IRF4: variants seen among roughly 807,000 people sequenced by gnomAD.
The protein encoded by IRF4 is lymphocyte-specific interferon regulatory factor.
Under a neutral mutation model 55.5 loss-of-function variants are expected in IRF4, and 13 were observed. The ratio of observed to expected loss-of-function variants is 0.23; its 90% CI spans 0.15 to 0.37. The LOEUF is 0.37. Ranked by LOEUF, IRF4 falls within the 10% of genes least tolerant of loss-of-function variation. The pLI is 1.00. For missense variants in IRF4, 397 were observed against 593.8 expected (o/e 0.67, Z 3.44); for synonymous variants, 249 against 240.7 (o/e 1.03, Z -0.32).
At chr6:398,342 C>T (rs1271268084) in intron 5 of IRF4, among the ~76,000 whole-genome samples, 1 of 152,220 alleles carries the variant, frequency 6.6e-6, no homozygotes. Flanking sequence ...ATTCTTTTTC[C>T]ATTCATGTTT....
intron 7 of IRF4, among the ~76,000 whole-genome samples, chr6:402,789 T>C (rs974974722): frequency 6.6e-6 from 1 of 152,174 alleles, no homozygotes; most frequent in Admixed American, 6.5e-5. Context: ...CCCAGCACTT[T>C]AGGAGGCTGA....
In IRF4 at chr6:408,118, CAG is replaced by C. The variant is rs549837113; in HGVS notation, c.*524_*525del. 8.3e-6 allele frequency: 2 copies of C among 240,714 alleles called. No homozygotes were observed. The highest frequency in any genetic ancestry group is 1.7e-4 in the South Asian group (1 of 5,994). The allele number at this position is 240,714 out of a possible 1,614,324, so 14.9% of individuals were successfully genotyped here. A position where few individuals can be genotyped will look rare whatever the true frequency, so the allele number is the denominator to read the frequency against. On this transcript the variant is annotated 3_prime_UTR_variant, in exon 9 of 9. Coordinates refer to ENST00000380956, the MANE Select transcript of IRF4 (RefSeq NM_002460.4). Reference sequence around the variant, plus strand: ...TTGTAGATTAGGTCTTGCTGGAAGACAGAGAAAACTTGCCTTTCAGTATTGAC... The same window carrying C: ...TTGTAGATTAGGTCTTGCTGGAAGACAGAAAACTTGCCTTTCAGTATTGAC...
intron 6 of IRF4, among the ~76,000 whole-genome samples, chr6:400,366 T>C (rs9405643): frequency 0.042 from 6,377 of 152,270 alleles, 295 homozygotes; most frequent in East Asian, 0.23. Flanking sequence ...AAACCCAGCT[T>C]GGTTCTTTCA....
intron 8 of IRF4, chr6:406,797 A>G: frequency 3.3e-6 from 4 of 1,222,050 alleles, no homozygotes; most frequent in Non-Finnish European, 4.2e-6. Context: ...GTCGTCATAT[A>G]TAAAATACAG....
intron 7 of IRF4, among the ~76,000 whole-genome samples, chr6:404,248 A>G (rs917281549): frequency 5.3e-5 from 8 of 152,220 alleles, no homozygotes; most frequent in Admixed American, 2.0e-4. Flanking sequence ...GGCTAAAGTC[A>G]GGGGATGGGC....
intron 6 of IRF4, 89 bp from the exon 7 acceptor site, chr6:401,335 C>G: frequency 1.0e-6 from 1 of 973,358 alleles, no homozygotes; most frequent in Admixed American, 2.2e-5. Flanking sequence ...CACTAGAGTT[C>G]CACCACAGGT....
In IRF4 at chr6:393,447, G is replaced by C; in HGVS notation, c.216+79G>C. On this transcript the variant is annotated intron_variant, in intron 2 of 8. Coordinates refer to ENST00000380956, the MANE Select transcript of IRF4 (RefSeq NM_002460.4). This position sits in a 1 kb window ranked among gnomAD's most constrained non-coding sequence, Gnocchi z 5.4. ...GCCCGGGGTCCCCGGCGCCGCCTCC[G>C]AGGCGAGCCCAGGGGACCGCGCGGG... 8.9e-7 allele frequency: 1 copy of C among 1,126,780 alleles called. No individual in the cohort carries two copies. The highest frequency in any genetic ancestry group is 1.2e-6 in the Non-Finnish European group (1 of 844,202). The allele number at this position is 1,126,780 out of a possible 1,614,324, so 69.8% of individuals were successfully genotyped here. A position where few individuals can be genotyped will look rare whatever the true frequency, so the allele number is the denominator to read the frequency against.
rs1414661309 is a variant in IRF4 at position 408,009 on chromosome 6, TC to T, written c.*412del. On this transcript the variant is annotated 3_prime_UTR_variant, in exon 9 of 9. Transcript: ENST00000380956. ...AAGGGTGGCTTTGCATTTCTTGTGT[TC>T]TGTAGACTGCCATCATTGATGATCA... 2 of 291,890 alleles carry T rather than the reference TC, an allele frequency of 6.9e-6. No homozygotes were observed. The highest frequency in any genetic ancestry group is 1.3e-5 in the Non-Finnish European group (2 of 156,062). 18.1% of individuals were successfully genotyped at this position (291,890 alleles called of 1,614,324 possible). A position where few individuals can be genotyped will look rare whatever the true frequency, so the allele number is the denominator to read the frequency against.
chr6:395,847 G>C lies in IRF4; in HGVS notation c.404G>C (p.Gly135Ala). 4 of 1,612,744 alleles carry C rather than the reference G, an allele frequency of 2.5e-6. No individual in the cohort carries two copies. Among genetic ancestry groups the C allele is most frequent in the Non-Finnish European group, 3.4e-6 (4 of 1,179,180 alleles). Residue 135 changes from glycine to alanine, a missense_variant and splice_region_variant, in exon 4 of 9, where the codon GGA becomes GCA. Gly to Ala is a moderately conservative substitution (Grantham distance 60, BLOSUM62 0). This residue lies in a region of IRF4 where 341 missense variants were observed against 548.1 expected (regional missense o/e 0.62). Coordinates refer to ENST00000380956, the MANE Select transcript of IRF4 (RefSeq NM_002460.4). ...ATTTCCCTTTTCCCCAAACATGTAG[G>C]AGCCAAGCAGCTCACCCTGGAGGAC... ...YRIVPEGAKK[G>A]AKQLTLEDPQ...
chr6:391,937 GC>G (rs1561708421), intron 1 of IRF4, 128 bp downstream of exon 1: 1 of 439,380 alleles, frequency 2.3e-6, no homozygotes, highest in Non-Finnish European at 4.6e-6. Context: ...AAGGGAGCGC[GC>G]CCCGTCCTGG....
chr6:397,179 G>A lies in IRF4; in HGVS notation c.564G>A (p.Pro188=), dbSNP rs773506336. 1.7e-5 allele frequency: 28 copies of A among 1,614,272 alleles called. No homozygotes were observed. Among genetic ancestry groups the A allele is most frequent in the South Asian group, 9.9e-5 (9 of 91,092 alleles). Residue 188 remains proline (P), a synonymous_variant, in exon 5 of 9, where the codon CCG becomes CCA. Coordinates refer to ENST00000380956, the MANE Select transcript of IRF4 (RefSeq NM_002460.4). ...ACTACGTCCCGGATCAGCCACACCC[G>A]GAAATCCCGTACCAATGTCCCATGA... ...WRDYVPDQPH[P]EIPYQCPMTF... is the part of the protein sequence containing the mutation.
intron 5 of IRF4, 103 bp from the exon 6 acceptor site, chr6:398,725 G>A (rs532733760): frequency 2.2e-4 from 163 of 729,716 alleles, no homozygotes; most frequent in African/African-American, 2.1e-3. Flanking sequence ...GTGATTGGGC[G>A]CCAGCCCCTT....
rs1761397031 is a variant in IRF4 at position 401,427 on chromosome 6, G to A, written c.749G>A (p.Cys250Tyr). 6.2e-7 allele frequency: 1 copy of A among 1,610,568 alleles called. No individual in the cohort carries two copies. Among genetic ancestry groups the A allele is most frequent in the Non-Finnish European group, 8.5e-7 (1 of 1,178,914 alleles). The change falls in exon 7 of 9, where the codon TGC becomes TAC. Residue 250 changes from cysteine to tyrosine, a missense_variant. Transcript: ENST00000380956. ...CTCCGGAGCTCTGTGTTTGCAGACT[G>A]CCGGCTGCACATCTGCCTGTACTAC... ...RSAEALAFSDCRLHICLYYRE... is the reference protein window; with the variant it reads ...RSAEALAFSDYRLHICLYYRE...
intron 7 of IRF4, among the ~76,000 whole-genome samples, chr6:402,793 A>AGGCTGAG (rs1761439058): frequency 6.6e-6 from 1 of 152,178 alleles, no homozygotes; most frequent in Admixed American, 6.5e-5. Flanking sequence ...GCACTTTAGG[A>AGGCTGAG]GGCTGAGGTG....
intron 3 of IRF4, 113 bp downstream of exon 3, chr6:395,120 C>T: frequency 1.2e-6 from 1 of 806,274 alleles, no homozygotes. Flanking sequence ...GCCTGCCTGC[C>T]TGCCTTCTGC....
Position 409,969 on chromosome 6 carries a change from C to A in IRF4, c.*2371C>A. The A allele has an allele frequency of 4.4e-6, 1 of 229,454 alleles. No homozygotes were observed. Among genetic ancestry groups the A allele is most frequent in the Non-Finnish European group, 8.7e-6 (1 of 115,604 alleles). The allele number at this position is 229,454 out of a possible 1,614,324, so 14.2% of individuals were successfully genotyped here. ...TTGGCTGGGGCCACTACCTCCTTTCCTATCTTTACATCTATGTGTATGTTG... is the reference window on the plus strand; with the variant it reads ...TTGGCTGGGGCCACTACCTCCTTTCATATCTTTACATCTATGTGTATGTTG... On this transcript the variant is annotated 3_prime_UTR_variant, in exon 9 of 9. Coordinates refer to ENST00000380956, the MANE Select transcript of IRF4 (RefSeq NM_002460.4).
intron 8 of IRF4, chr6:406,763 C>T (rs751852922): frequency 6.8e-6 from 8 of 1,177,736 alleles, no homozygotes; most frequent in African/African-American, 1.6e-5. Context: ...TAATTCATTT[C>T]AGGTACTTAG....
intron 7 of IRF4, 36 bp downstream of exon 7, chr6:401,813 T>C: frequency 6.3e-7 from 1 of 1,583,276 alleles, no homozygotes; most frequent in Non-Finnish European, 8.7e-7. Flanking sequence ...ATGGAGGTGG[T>C]GATGGCCTGC....
rs2127439963 is a variant in IRF4 at position 401,562 on chromosome 6, C to T, written c.884C>T (p.Pro295Leu). The change falls in exon 7 of 9, where the codon CCA (proline) becomes CTA (leucine). Residue 295 changes from proline (P) to leucine (L), a missense_variant. This residue lies in a region of IRF4 where 341 missense variants were observed against 548.1 expected (regional missense o/e 0.62). Coordinates refer to ENST00000380956, the MANE Select transcript of IRF4 (RefSeq NM_002460.4). Reference sequence around the variant, plus strand: ...CTGGACCAGGTCCTGTTCCCCTACCCAGAGGACAATGGCCAGAGGAAAAAC... The same window carrying T: ...CTGGACCAGGTCCTGTTCCCCTACCTAGAGGACAATGGCCAGAGGAAAAAC... ...SNLDQVLFPY[P>L]EDNGQRKNIE... The T allele has an allele frequency of 6.2e-7, 1 of 1,614,130 alleles. No homozygotes were observed. The highest frequency in any genetic ancestry group is 1.3e-5 in the African/African-American group (1 of 75,068).
Sources: gnomAD v4.1 joint callset for allele counts (sites outside exome capture counted in the v4.1 genomes callset) on GRCh38, gnomAD v4.1.1 for gene constraint, gnomAD v4.1.1 regional missense constraint, Gnocchi (gnomAD v3.1) non-coding constraint, MANE v1.5 for transcripts, NCBI Gene and HGNC (gene_info 2026-07-23, HGNC 2026-07-21) for gene names.